Variants in WWOX observed in about 807,000 individuals in gnomAD.
The protein encoded by WWOX is WW domain containing oxidoreductase.
Under a neutral mutation model 46.2 loss-of-function variants are expected in WWOX, and 69 were observed. The observed-to-expected ratio is 1.49, with a 90% CI of 1.23 to 1.82. The LOEUF is 1.82. Among genes scored for constraint, WWOX ranks in the 40% most tolerant of loss-of-function variants. WWOX has a pLI of 0.00. For missense variants in WWOX, 919 were observed against 542.6 expected (o/e 1.69, Z -6.89); for synonymous variants, 359 against 202.6 (o/e 1.77, Z -6.56).
At chr16:78,115,672 C>T (rs566495216) in intron 4 of WWOX, among the ~76,000 whole-genome samples, 6 of 152,052 alleles carry the variant, frequency 3.9e-5, no homozygotes, top group Non-Finnish European at 7.4e-5. Flanking sequence ...CAATGTTTAC[C>T]CACAGGGACT....
intron 6 of WWOX, among the ~76,000 whole-genome samples, chr16:78,394,315 T>C (rs2082241529): frequency 6.6e-6 from 1 of 152,218 alleles, no homozygotes; most frequent in South Asian, 2.1e-4. Flanking sequence ...CTCTAATGAA[T>C]GCTCTAAATC....
chr16:78,745,124 A>G (rs2049318301), intron 8 of WWOX, among the ~76,000 whole-genome samples: 1 of 152,326 alleles, frequency 6.6e-6, no homozygotes, highest in Admixed American at 6.5e-5. Flanking sequence ...AGACTAGTTT[A>G]GAGTGGAGTT....
At chr16:79,001,012 G>A (rs945557093) in intron 8 of WWOX, among the ~76,000 whole-genome samples, 2 of 152,200 alleles carry the variant, frequency 1.3e-5, no homozygotes, top group East Asian at 3.9e-4. Flanking sequence ...AGAGCTCAGC[G>A]AGTATTTGCA....
intron 8 of WWOX, among the ~76,000 whole-genome samples, chr16:78,906,701 C>A (rs1053037901): frequency 6.6e-6 from 1 of 152,204 alleles, no homozygotes; most frequent in Non-Finnish European, 1.5e-5. Context: ...GGACCTTATC[C>A]TGTCAGCTCT....
intron 5 of WWOX, among the ~76,000 whole-genome samples, chr16:78,168,721 C>A (rs1452063144): frequency 6.6e-6 from 1 of 152,198 alleles, no homozygotes; most frequent in Non-Finnish European, 1.5e-5. Flanking sequence ...CTCTGATCTA[C>A]CCTGTCGTCT....
intron 8 of WWOX, among the ~76,000 whole-genome samples, chr16:79,056,415 C>A (rs550698455): frequency 6.6e-6 from 1 of 152,254 alleles, no homozygotes; most frequent in African/African-American, 2.4e-5. Flanking sequence ...GAGGCCTGTG[C>A]CTTGTCCTGT....
chr16:79,166,054 G>A (rs113940861), intron 8 of WWOX, among the ~76,000 whole-genome samples: 17 of 152,176 alleles, frequency 1.1e-4, no homozygotes, highest in African/African-American at 4.1e-4. Flanking sequence ...CTTTAAAAAG[G>A]CTGCGTCCCA....
At chr16:78,606,866 A>T (rs1292476335) in intron 8 of WWOX, among the ~76,000 whole-genome samples, 1 of 152,026 alleles carries the variant, frequency 6.6e-6, no homozygotes, top group Non-Finnish European at 1.5e-5. Flanking sequence ...GTACCTGAAC[A>T]CTTGAGTGGG....
At chr16:79,130,775 C>G (rs1036769229) in intron 8 of WWOX, among the ~76,000 whole-genome samples, 3 of 152,234 alleles carry the variant, frequency 2.0e-5, no homozygotes, top group Non-Finnish European at 4.4e-5. Flanking sequence ...GAGTCTTCAT[C>G]TTGTTGGGCT....
At chr16:79,008,250 C>G (rs1053358546) in intron 8 of WWOX, among the ~76,000 whole-genome samples, 2 of 152,188 alleles carry the variant, frequency 1.3e-5, no homozygotes, top group Non-Finnish European at 2.9e-5. Context: ...TGACTGTTGG[C>G]TTCTTCAAGA....
intron 8 of WWOX, among the ~76,000 whole-genome samples, chr16:78,543,646 T>C (rs117653363): frequency 6.6e-6 from 1 of 152,168 alleles, no homozygotes; most frequent in African/African-American, 2.4e-5. Context: ...TTCTCAATAT[T>C]AAACCCTCAG....
At chr16:79,142,607 G>C (rs959913233) in intron 8 of WWOX, among the ~76,000 whole-genome samples, 1 of 152,134 alleles carries the variant, frequency 6.6e-6, no homozygotes, top group Non-Finnish European at 1.5e-5. Context: ...AAATCACAGA[G>C]TCCATTTATT....
intron 8 of WWOX, chr16:79,206,744 T>A (rs2051525285): frequency 6.6e-6 from 1 of 152,234 alleles, no homozygotes; most frequent in Non-Finnish European, 1.5e-5. Context: ...TTGAATTGTA[T>A]AATTTCATTA....
At chr16:78,404,764 C>A (rs555857708) in intron 6 of WWOX, among the ~76,000 whole-genome samples, 4 of 152,252 alleles carry the variant, frequency 2.6e-5, no homozygotes, top group Admixed American at 6.5e-5. Flanking sequence ...CTTTCCCGAC[C>A]AGCCCCCATC....
chr16:78,462,411 G>A (rs1041537130), intron 8 of WWOX, among the ~76,000 whole-genome samples: 2 of 152,150 alleles, frequency 1.3e-5, no homozygotes, highest in Admixed American at 6.5e-5. Flanking sequence ...GATTTATCCT[G>A]TTGTCGCTAA....
chr16:79,092,836 C>G (rs925257399), intron 8 of WWOX, among the ~76,000 whole-genome samples: 1 of 152,194 alleles, frequency 6.6e-6, no homozygotes, highest in Non-Finnish European at 1.5e-5. Context: ...CTGTCTCACT[C>G]AGGCCCCTCA....
At chr16:79,191,551 C>T (rs1253157495) in intron 8 of WWOX, among the ~76,000 whole-genome samples, 2 of 152,204 alleles carry the variant, frequency 1.3e-5, no homozygotes, top group South Asian at 2.1e-4. Context: ...TCTAGCTGGT[C>T]GAAGGTCCTG....
intron 8 of WWOX, among the ~76,000 whole-genome samples, chr16:79,009,111 C>T (rs1037311257): frequency 1.3e-5 from 2 of 152,202 alleles, no homozygotes; most frequent in Non-Finnish European, 2.9e-5. Context: ...CCGCAGGCCT[C>T]CTGCCCTTCC....
At chr16:78,355,631 G>T (rs995406166) in intron 5 of WWOX, 2 of 602,598 alleles carry the variant, frequency 3.3e-6, no homozygotes, top group Middle Eastern at 3.1e-4. Context: ...AATGAGAAAC[G>T]ACCGAGAGCT....
Sources: allele counts gnomAD v4.1 joint callset (sites outside exome capture counted in the v4.1 genomes callset), GRCh38; gene constraint gnomAD v4.1.1; transcripts MANE v1.5; gene names NCBI Gene and HGNC (gene_info 2026-07-23, HGNC 2026-07-21).